The following TBC1D23 variants were observed in gnomAD, a reference collection of about 807,000 sequenced individuals.
The protein encoded by TBC1D23 is TBC1 domain family member 23.
Under a neutral mutation model 91.4 loss-of-function variants are expected in TBC1D23, and 55 were observed. That is an observed-to-expected ratio of 0.60 (90% CI 0.48 to 0.75). The LOEUF is 0.75. TBC1D23 is among the 30% of genes least tolerant of loss of function. The pLI is 0.00. For missense variants in TBC1D23, 725 were observed against 836.1 expected (o/e 0.87, Z 1.64); for synonymous variants, 289 against 281.0 (o/e 1.03, Z -0.28).
rs1346027967 is a variant in TBC1D23 at position 100,319,203 on chromosome 3, A to G, written c.1822A>G (p.Ser608Gly). The change falls in exon 17 of 19, where the codon AGT becomes GGT. Residue 608 changes from serine to glycine, a missense_variant and splice_region_variant. Ser to Gly is a moderately conservative substitution (Grantham distance 56, BLOSUM62 0). Transcript: ENST00000394144. ...EVKESGHMFP[S>G]HLLVTATHMY... ...AAAAGAAAGTGGACACATGTTTCCC[A>G]GGTACTTTTAAAAATGTCTTCATAA... is the stretch of plus-strand genomic sequence containing the variant. 6.3e-7 allele frequency: 1 copy of G among 1,598,472 alleles called. No individual in the cohort carries two copies. Among genetic ancestry groups the G allele is most frequent in the African/African-American group, 1.4e-5 (1 of 73,896 alleles).
chr3:100,313,463 A>G (rs1248967081), intron 15 of TBC1D23, among the ~76,000 whole-genome samples: 2 of 152,186 alleles, frequency 1.3e-5, no homozygotes, highest in African/African-American at 4.8e-5. Flanking sequence ...AAAAAATAGT[A>G]CAGCTGTTGA....
intron 18 of TBC1D23, 83 bp downstream of exon 18, chr3:100,321,054 T>C: frequency 9.5e-7 from 1 of 1,056,096 alleles, no homozygotes; most frequent in Non-Finnish European, 1.3e-6. Flanking sequence ...TTTGTTTCTT[T>C]ATTTTGGGGA....
At chr3:100,316,720 T>G (rs1055450517) in intron 16 of TBC1D23, among the ~76,000 whole-genome samples, 2 of 152,006 alleles carry the variant, frequency 1.3e-5, no homozygotes, top group African/African-American at 2.4e-5. Context: ...GTCTTGAAAC[T>G]GGAGGCAATA....
chr3:100,309,610 C>CTTTTTTTTTTTTTTTTTTT (rs71132518), intron 13 of TBC1D23, among the ~76,000 whole-genome samples: 3 of 116,124 alleles, frequency 2.6e-5, no homozygotes, highest in Admixed American at 9.4e-5. Flanking sequence ...ATTCTACCTT[C>CTTTTTTTTTTTTTTTTTTT]TTTTTTTTTT....
chr3:100,261,002 C>T lies in TBC1D23; in HGVS notation c.-17C>T, dbSNP rs1053589742. On this transcript the variant is annotated 5_prime_UTR_variant, in exon 1 of 19. The change creates a new upstream start codon in the 5' untranslated region. Transcript: ENST00000394144. ...CCGGATCCACTTTTCGGCAAAGTGA[C>T]GTGGACGTCAACAGCAATGGCGGAA... is the stretch of plus-strand genomic sequence containing the variant. 5 of 1,612,764 alleles carry T rather than the reference C, an allele frequency of 3.1e-6. No homozygotes were observed. Among genetic ancestry groups the T allele is most frequent in the South Asian group, 1.1e-5 (1 of 91,060 alleles).
intron 15 of TBC1D23, chr3:100,315,749 A>G (rs1462452374): frequency 2.0e-5 from 5 of 255,106 alleles, no homozygotes; most frequent in Admixed American, 4.7e-5. Context: ...TGTTAGCACT[A>G]TTTTACAGAG....
At chr3:100,273,819 A>G (rs2067622953) in intron 1 of TBC1D23, among the ~76,000 whole-genome samples, 2 of 152,238 alleles carry the variant, frequency 1.3e-5, no homozygotes, top group Admixed American at 1.3e-4. Context: ...CCATATGCAG[A>G]AAATTGAAAC....
chr3:100,311,958 T>C lies in TBC1D23; in HGVS notation c.1598+81T>C, dbSNP rs1016038844. The stretch of plus-strand genomic sequence containing the variant: ...CATGCCATCTATAAGCCTCATGCTG[T>C]CTTGGCTCAAATTTCATGCAGCTAT... On this transcript the variant is annotated intron_variant, in intron 15 of 18. Coordinates refer to ENST00000394144, the MANE Select transcript of TBC1D23 (RefSeq NM_001199198.3). 7.5e-6 allele frequency: 7 copies of C among 934,356 alleles called. No individual in the cohort carries two copies. The African/African-American group carries it at 1.2e-4, about 15-fold the overall frequency. 57.9% of individuals were successfully genotyped at this position (934,356 alleles called of 1,614,324 possible).
chr3:100,268,348 A>G (rs949036342), intron 1 of TBC1D23, among the ~76,000 whole-genome samples: 3 of 152,196 alleles, frequency 2.0e-5, no homozygotes, highest in Non-Finnish European at 4.4e-5. Flanking sequence ...ATGAAATTCA[A>G]TGAAATCCTT....
intron 6 of TBC1D23, 21 bp downstream of exon 6, chr3:100,295,232 A>AT (rs781360401): frequency 5.0e-6 from 8 of 1,594,482 alleles, no homozygotes; most frequent in Middle Eastern, 1.7e-4. Context: ...GGTTGGTTAG[A>AT]TTTTTTTTCC....
chr3:100,264,652 ATTTTC>A (rs1391399409), intron 1 of TBC1D23, among the ~76,000 whole-genome samples: 1 of 151,910 alleles, frequency 6.6e-6, no homozygotes, highest in Non-Finnish European at 1.5e-5. Flanking sequence ...AGTTTTTCCT[ATTTTC>A]TTTTTTTGTT....
chr3:100,303,360 G>A (rs570672979), intron 11 of TBC1D23, among the ~76,000 whole-genome samples: 30 of 152,266 alleles, frequency 2.0e-4, no homozygotes, highest in Non-Finnish European at 4.0e-4. Flanking sequence ...AGGATATTTG[G>A]GAGAGGAATT....
At chr3:100,318,971 T>A in intron 16 of TBC1D23, 98 bp from the exon 17 acceptor site, 1 of 745,308 alleles carries the variant, frequency 1.3e-6, no homozygotes. Context: ...TTTCAATCCA[T>A]ATCTTCAAAA....
At chr3:100,272,183 A>C (rs1057032826) in intron 1 of TBC1D23, among the ~76,000 whole-genome samples, 1 of 152,298 alleles carries the variant, frequency 6.6e-6, no homozygotes, top group South Asian at 2.1e-4. Flanking sequence ...GTCAGCTATA[A>C]GTTGAACTTG....
chr3:100,320,493 ATATAT>A lies in TBC1D23; in HGVS notation c.1824-280_1824-276del, dbSNP rs150252558. On this transcript the variant is annotated intron_variant, in intron 17 of 18. Coordinates refer to ENST00000394144, the MANE Select transcript of TBC1D23 (RefSeq NM_001199198.3). ...GTAATATACTCCATTTCAATAAAAA[ATATAT>A]TATTGTAGTGATTTCTATGTTGTAT... is the stretch of plus-strand genomic sequence containing the variant. Among the ~76,000 whole-genome samples, 783 of 152,264 alleles carry A rather than the reference ATATAT, an allele frequency of 5.1e-3. 12 individuals are homozygous for A. The highest frequency in any genetic ancestry group is 0.017 in the African/African-American group (718 of 41,558).
In TBC1D23 at chr3:100,280,250, G is replaced by A. The variant is rs1176666376; in HGVS notation, c.165+490G>A. ...TCTCAAAAAAAAAACAAAAAGAAAT[G>A]GTGTTTATGAAAATTTTCTTGAAAC... On this transcript the variant is annotated intron_variant, in intron 2 of 18. Transcript: ENST00000394144. Among the ~76,000 whole-genome samples the A allele has an allele frequency of 2.0e-5, 3 of 151,890 alleles. No individual in the cohort carries two copies. The East Asian group carries it at 5.8e-4, about 29-fold the overall frequency.
chr3:100,262,255 A>C (rs2067517585), intron 1 of TBC1D23, among the ~76,000 whole-genome samples: 1 of 152,128 alleles, frequency 6.6e-6, no homozygotes, highest in African/African-American at 2.4e-5. Flanking sequence ...AGTGTGATTC[A>C]AAGTGTTACG....
chr3:100,268,430 A>G (rs1342083151), intron 1 of TBC1D23, among the ~76,000 whole-genome samples: 1 of 152,186 alleles, frequency 6.6e-6, no homozygotes, highest in African/African-American at 2.4e-5. Flanking sequence ...TTCTTTGCCA[A>G]ACTATGATCC....
chr3:100,314,347 C>T (rs1026324564), intron 15 of TBC1D23, among the ~76,000 whole-genome samples: 24 of 151,952 alleles, frequency 1.6e-4, no homozygotes, highest in African/African-American at 4.3e-4. Context: ...CTGCCCACCT[C>T]GGATCTTTCG....
Sources: allele counts gnomAD v4.1 joint callset (sites outside exome capture counted in the v4.1 genomes callset), GRCh38; gene constraint gnomAD v4.1.1; transcripts MANE v1.5; gene names NCBI Gene and HGNC (gene_info 2026-07-23, HGNC 2026-07-21).